KAZN: variants seen among roughly 807,000 people sequenced by gnomAD.
The protein encoded by KAZN is kazrin.
Under a neutral mutation model 87.4 loss-of-function variants are expected in KAZN, and 40 were observed. The ratio of observed to expected loss-of-function variants is 0.46; its 90% CI spans 0.36 to 0.60. KAZN has a LOEUF of 0.60. Ranked by LOEUF, KAZN falls within the 20% of genes least tolerant of loss-of-function variation. The pLI, the probability that KAZN is intolerant of heterozygous loss-of-function variation, is 0.00. For synonymous variants in KAZN, 466 were observed against 458.3 expected, an observed-to-expected ratio of 1.02 and a Z score of -0.22; for missense variants, 898 against 1,073.9, an observed-to-expected ratio of 0.84 and a Z score of 2.29.
chr1:15,029,667 C>T (rs181621961), intron 2 of KAZN, among the ~76,000 whole-genome samples: 21 of 152,308 alleles, frequency 1.4e-4, no homozygotes, highest in Admixed American at 1.0e-3. Flanking sequence ...GGGGGTTCCC[C>T]TCCCAAGGTC....
intron 2 of KAZN, among the ~76,000 whole-genome samples, chr1:14,989,833 A>G (rs1314394183): frequency 6.6e-6 from 1 of 152,190 alleles, no homozygotes; most frequent in African/African-American, 2.4e-5. Flanking sequence ...TTGGAAATCC[A>G]CAGCTGAGCT....
intron 2 of KAZN, among the ~76,000 whole-genome samples, chr1:15,015,466 T>G (rs1473753676): frequency 6.6e-6 from 1 of 152,150 alleles, no homozygotes; most frequent in East Asian, 1.9e-4. Context: ...AACTGATGTT[T>G]TTAAACATGG....
chr1:14,519,158 TTAAA>T (rs904712093), intron 2 of KAZN, among the ~76,000 whole-genome samples: 9 of 152,090 alleles, frequency 5.9e-5, no homozygotes, highest in African/African-American at 1.7e-4. Flanking sequence ...AAAAAAAAAT[TTAAA>T]TAATAAAAAC....
At chr1:14,717,532 CT>C (rs1642857789) in intron 1 of KAZN, among the ~76,000 whole-genome samples, 1 of 152,180 alleles carries the variant, frequency 6.6e-6, no homozygotes, top group African/African-American at 2.4e-5. Flanking sequence ...CTGTGTGTCT[CT>C]GTGTCCTTTT....
intron 1 of KAZN, among the ~76,000 whole-genome samples, chr1:14,669,146 G>C (rs776997886): frequency 5.3e-5 from 8 of 152,172 alleles, no homozygotes; most frequent in Non-Finnish European, 1.2e-4. Context: ...TTGGCCTGGG[G>C]TGCAGCCACC....
intron 1 of KAZN, among the ~76,000 whole-genome samples, chr1:14,721,635 C>G (rs1251155922): frequency 6.6e-6 from 1 of 152,170 alleles, no homozygotes; most frequent in Non-Finnish European, 1.5e-5. Context: ...TCAGTACTAT[C>G]CATTTGAAAG....
intron 2 of KAZN, among the ~76,000 whole-genome samples, chr1:14,961,176 A>G (rs940582594): frequency 2.0e-5 from 3 of 152,230 alleles, no homozygotes; most frequent in African/African-American, 4.8e-5. Context: ...CTGACCCAGC[A>G]GCCGAGTCTC....
rs753159715 is a variant in KAZN at position 15,010,583 on chromosome 1, G to A, written c.419-24166G>A. Among the ~76,000 whole-genome samples the A allele has an allele frequency of 3.9e-5, 6 of 151,954 alleles. No individual in the cohort carries two copies. The South Asian group carries it at 1.2e-3, about 32-fold the overall frequency. On this transcript the variant is annotated intron_variant, in intron 2 of 14. Transcript: ENST00000376030. ...TTTTTTTGTATTTTTTAGTAGAGAC[G>A]GGGTTTCACCATGTTAGCCAGGATG...
chr1:15,056,091 G>T lies in KAZN; in HGVS notation c.727G>T (p.Ala243Ser). Reference protein sequence around the residue: ...MKELEAELAMAKQSLATLTKD... With the variant: ...MKELEAELAMSKQSLATLTKD... ...CTTCCTGTCTTCTTGCTCTCTCCAGGCCAAACAGTCCTTAGCTACGCTGAC... is the reference window on the plus strand; with the variant it reads ...CTTCCTGTCTTCTTGCTCTCTCCAGTCCAAACAGTCCTTAGCTACGCTGAC... The change falls in exon 5 of 15, where the codon GCC (alanine) becomes TCC (serine). Residue 243 changes from alanine to serine, a missense_variant and splice_region_variant. Around this residue, in one of 3 missense-constraint regions of KAZN, gnomAD observed 521 missense variants for 689.4 expected, o/e 0.76. Transcript: ENST00000376030. This position sits in a 1 kb window ranked among gnomAD's most constrained non-coding sequence, Gnocchi z 5.4. 6.2e-7 allele frequency: 1 copy of T among 1,603,602 alleles called. No individual in the cohort carries two copies. Among genetic ancestry groups the T allele is most frequent in the Non-Finnish European group, 8.5e-7 (1 of 1,171,618 alleles).
intron 2 of KAZN, among the ~76,000 whole-genome samples, chr1:14,998,796 C>T (rs1174186764): frequency 6.6e-6 from 1 of 152,098 alleles, no homozygotes; most frequent in Non-Finnish European, 1.5e-5. Flanking sequence ...GTGACCTGCC[C>T]ACCTCGACCT....
chr1:14,191,956 T>TG lies in KAZN; in HGVS notation c.249+11365dup, dbSNP rs1226701492. On this transcript the variant is annotated intron_variant, in intron 2 of 16. Transcript: ENST00000636203. ...AGCCAATCTCCTCTCTCACCATGGC[T>TG]GTCTCATTGGCCACCAGCATCTTAC... Among the ~76,000 whole-genome samples the TG allele has an allele frequency of 2.6e-5, 4 of 152,300 alleles. No individual in the cohort carries two copies. The East Asian group carries it at 7.8e-4, about 30-fold the overall frequency.
At chr1:14,403,474 T>C (rs1286485745) in intron 2 of KAZN, among the ~76,000 whole-genome samples, 2 of 152,108 alleles carry the variant, frequency 1.3e-5, no homozygotes, top group African/African-American at 2.4e-5. Context: ...GTGAACAAAA[T>C]TGAAAGACAA....
intron 1 of KAZN, among the ~76,000 whole-genome samples, chr1:14,655,808 G>A (rs1029138283): frequency 2.0e-5 from 3 of 152,090 alleles, no homozygotes; most frequent in Non-Finnish European, 4.4e-5. Flanking sequence ...CCGAACCCCT[G>A]TCGACTCCAG....
intron 4 of KAZN, among the ~76,000 whole-genome samples, chr1:15,048,992 C>G (rs1362485091): frequency 3.9e-5 from 6 of 152,198 alleles, no homozygotes; most frequent in Non-Finnish European, 8.8e-5. Context: ...TTGCATCTCC[C>G]CAAGAAGCAC....
intron 2 of KAZN, among the ~76,000 whole-genome samples, chr1:14,287,593 G>A (rs1031432584): frequency 1.3e-5 from 2 of 152,250 alleles, no homozygotes; most frequent in East Asian, 3.9e-4. Flanking sequence ...GAGACAATGG[G>A]ATTTTCTAAA....
chr1:14,597,064 C>G (rs905315866), upstream of KAZN, among the ~76,000 whole-genome samples: 1 of 152,218 alleles, frequency 6.6e-6, no homozygotes, highest in African/African-American at 2.4e-5. Context: ...CCACACAGCT[C>G]TGTAGTTTTG....
chr1:14,946,054 C>A, intron 1 of KAZN: 1 of 344,264 alleles, frequency 2.9e-6, no homozygotes, highest in Non-Finnish European at 4.1e-6. Flanking sequence ...ATTCTCCACA[C>A]AAGGACAGGG....
intron 1 of KAZN, among the ~76,000 whole-genome samples, chr1:14,704,530 G>T (rs754591105): frequency 1.3e-5 from 2 of 152,224 alleles, no homozygotes; most frequent in Non-Finnish European, 2.9e-5. Flanking sequence ...TAGGAAGCTG[G>T]TGTGGACCTT....
chr1:14,187,461 C>CAAATAGAA (rs1427730680), intron 2 of KAZN, among the ~76,000 whole-genome samples: 1 of 152,168 alleles, frequency 6.6e-6, no homozygotes, highest in Non-Finnish European at 1.5e-5. Flanking sequence ...TCACATATCT[C>CAAATAGAA]ATTTTCTTCA....
Sources: allele counts gnomAD v4.1 joint callset (sites outside exome capture counted in the v4.1 genomes callset), GRCh38; gene constraint gnomAD v4.1.1; regional missense constraint gnomAD v4.1.1; non-coding constraint Gnocchi (gnomAD v3.1); transcripts MANE v1.5; gene names NCBI Gene and HGNC (gene_info 2026-07-23, HGNC 2026-07-21).